HMBOX1: variants seen among roughly 807,000 people sequenced by gnomAD.
HMBOX1 encodes the protein homeobox-containing protein 1.
A neutral mutation model predicts 54.5 loss-of-function variants in HMBOX1; 14 were observed. That is an observed-to-expected ratio of 0.26 (90% CI 0.17 to 0.40). The LOEUF (loss-of-function observed/expected upper bound fraction) is 0.40. HMBOX1 is among the 10% of genes least tolerant of loss of function. The probability of loss-of-function intolerance (pLI) is 1.00; values close to 1 mark genes in which losing one functional copy is unlikely to be tolerated. For synonymous variants in HMBOX1, 160 were observed against 181.0 expected, an observed-to-expected ratio of 0.88 and a Z score of 0.93; for missense variants, 332 against 514.4, an observed-to-expected ratio of 0.65 and a Z score of 3.43.
chr8:28,926,767 T>A (rs1476640101), intron 1 of HMBOX1, among the ~76,000 whole-genome samples: 9 of 152,142 alleles, frequency 5.9e-5, no homozygotes, highest in African/African-American at 2.2e-4. Flanking sequence ...ATGGGGTCAC[T>A]CTTCTGGCCT....
At chr8:28,894,942 CA>C (rs575886185) in intron 1 of HMBOX1, among the ~76,000 whole-genome samples, 8,970 of 116,588 alleles carry the variant, frequency 0.077, 735 homozygotes, top group African/African-American at 0.24. Context: ...TTAACATTTG[CA>C]AAAAAAAAAA....
chr8:28,903,675 T>C (rs1339515071), intron 1 of HMBOX1, among the ~76,000 whole-genome samples: 1 of 152,230 alleles, frequency 6.6e-6, no homozygotes, highest in East Asian at 1.9e-4. Context: ...TCCTGTTGTG[T>C]ATGCAAAAGA....
intron 4 of HMBOX1, among the ~76,000 whole-genome samples, chr8:28,990,322 T>C (rs1384599988): frequency 6.6e-6 from 1 of 152,206 alleles, no homozygotes. Context: ...AAGTTTTTCA[T>C]AGTTGCCCTT....
At chr8:28,996,093 G>A in intron 4 of HMBOX1, among the ~76,000 whole-genome samples, 1 of 151,864 alleles carries the variant, frequency 6.6e-6, no homozygotes, top group South Asian at 2.1e-4. Flanking sequence ...GTGACAGAGT[G>A]AGACTCCATC....
chr8:28,961,356 A>T (rs1469256788), intron 1 of HMBOX1, among the ~76,000 whole-genome samples: 1 of 152,150 alleles, frequency 6.6e-6, no homozygotes. Context: ...ACCCTTAAAT[A>T]ATAACTTCTC....
intron 8 of HMBOX1, among the ~76,000 whole-genome samples, chr8:29,048,047 C>T (rs750149316): frequency 6.6e-5 from 10 of 152,088 alleles, no homozygotes; most frequent in Non-Finnish European, 1.5e-4. Context: ...ATTGATTACT[C>T]CTGTGGTACA....
At chr8:29,016,881 C>G (rs1835103687) in intron 5 of HMBOX1, among the ~76,000 whole-genome samples, 1 of 152,210 alleles carries the variant, frequency 6.6e-6, no homozygotes, top group African/African-American at 2.4e-5. Context: ...AAGTGACATA[C>G]CATCACTGCC....
intron 1 of HMBOX1, among the ~76,000 whole-genome samples, chr8:28,957,731 G>A (rs1244945384): frequency 2.0e-5 from 3 of 152,060 alleles, no homozygotes; most frequent in South Asian, 2.1e-4. Context: ...CAGGCGATTC[G>A]CCTGCCTCAG....
In HMBOX1 at chr8:28,970,138, A is replaced by G; in HGVS notation, c.119A>G (p.Lys40Arg). The part of the protein sequence containing the change: ...LQRLRRTGMT[K>R]HEILHALETL... ...CGACTTCGGCGTACTGGAATGACTA[A>G]ACATGAAATTCTCCATGCCTTGGAA... Residue 40 changes from lysine to arginine, a missense_variant, in exon 3 of 10, where the codon AAA (lysine) becomes AGA (arginine). Transcript: ENST00000287701. This position sits in a 1 kb window ranked among gnomAD's most constrained non-coding sequence, Gnocchi z 4.3. 1.9e-6 allele frequency: 3 copies of G among 1,614,192 alleles called. No individual in the cohort carries two copies. The highest frequency in any genetic ancestry group is 2.5e-6 in the Non-Finnish European group (3 of 1,180,022).
At chr8:28,961,884 G>T (rs1380089715) in intron 1 of HMBOX1, among the ~76,000 whole-genome samples, 1 of 146,824 alleles carries the variant, frequency 6.8e-6, no homozygotes, top group Non-Finnish European at 1.5e-5. Context: ...ATTCGAATGG[G>T]TGTCATTTTA....
chr8:28,979,663 A>G (rs763685834), intron 3 of HMBOX1, among the ~76,000 whole-genome samples: 7 of 152,320 alleles, frequency 4.6e-5, no homozygotes, highest in Non-Finnish European at 7.3e-5. Flanking sequence ...CGAGCCCACA[A>G]TCTGCTCACA....
intron 1 of HMBOX1, among the ~76,000 whole-genome samples, chr8:28,896,966 A>C (rs1028062265): frequency 6.6e-6 from 1 of 151,636 alleles, no homozygotes; most frequent in Non-Finnish European, 1.5e-5. Flanking sequence ...TGAGAATCTG[A>C]ATATTGGCTA....
intron 8 of HMBOX1, 40 bp downstream of exon 8, chr8:29,047,493 T>C (rs1441352018): frequency 1.0e-6 from 1 of 992,216 alleles, no homozygotes; most frequent in Non-Finnish European, 1.6e-6. Context: ...TGTGCAGCAG[T>C]TGTGAACGTC....
chr8:29,024,767 A>G (rs1293303246), intron 6 of HMBOX1, among the ~76,000 whole-genome samples: 1 of 152,166 alleles, frequency 6.6e-6, no homozygotes, highest in African/African-American at 2.4e-5. Flanking sequence ...GCCTCAGAGA[A>G]AGGAAGTGAC....
At chr8:29,009,372 T>C (rs530083095) in intron 5 of HMBOX1, 190 bp downstream of exon 5, 5 of 744,292 alleles carry the variant, frequency 6.7e-6, no homozygotes, top group South Asian at 1.2e-4. Context: ...TATTGTCTAA[T>C]ATTATCTAGT....
chr8:28,985,995 A>G (rs1830104219), intron 4 of HMBOX1, among the ~76,000 whole-genome samples: 1 of 152,160 alleles, frequency 6.6e-6, no homozygotes, highest in Non-Finnish European at 1.5e-5. Context: ...TGGTTTCTGG[A>G]CAAATGTTTA....
At chr8:28,893,734 G>A (rs1251039244) in intron 1 of HMBOX1, among the ~76,000 whole-genome samples, 1 of 152,106 alleles carries the variant, frequency 6.6e-6, no homozygotes, top group African/African-American at 2.4e-5. Context: ...GGCAATTTTT[G>A]TGGCAAGTGT....
chr8:28,984,781 AT>A (rs557516494), intron 4 of HMBOX1, among the ~76,000 whole-genome samples: 50 of 152,208 alleles, frequency 3.3e-4, no homozygotes, highest in Admixed American at 2.9e-3. Flanking sequence ...TTAAAACATA[AT>A]TTTTTTTAAT....
intron 4 of HMBOX1, among the ~76,000 whole-genome samples, chr8:29,001,472 C>G (rs1003133173): frequency 2.6e-5 from 4 of 152,124 alleles, no homozygotes; most frequent in African/African-American, 9.7e-5. Flanking sequence ...ATTACTTGTA[C>G]CTGGGAGGCA....
Sources: allele counts gnomAD v4.1 joint callset (sites outside exome capture counted in the v4.1 genomes callset), GRCh38; gene constraint gnomAD v4.1.1; non-coding constraint Gnocchi (gnomAD v3.1); transcripts MANE v1.5; gene names NCBI Gene and HGNC (gene_info 2026-07-23, HGNC 2026-07-21).